The following EMC1 variants were observed in gnomAD, a reference collection of about 807,000 sequenced individuals.
The protein encoded by EMC1 is KIAA0090.
Under a neutral mutation model 128.8 loss-of-function variants are expected in EMC1, and 103 were observed. The ratio of observed to expected loss-of-function variants is 0.80; its 90% CI spans 0.68 to 0.94. The LOEUF (loss-of-function observed/expected upper bound fraction) is 0.94. EMC1 is among the 40% of genes least tolerant of loss of function. The pLI is 0.00. For missense variants in EMC1, 1,083 were observed against 1,250.6 expected (o/e 0.87, Z 2.02); for synonymous variants, 442 against 490.4 (o/e 0.90, Z 1.30).
At chr1:19,243,843 A>G in intron 3 of EMC1, 107 bp downstream of exon 3, 4 of 1,437,202 alleles carry the variant, frequency 2.8e-6, no homozygotes, top group South Asian at 1.2e-5. Flanking sequence ...CTTCACTGTC[A>G]GGAGTCCCCA....
chr1:19,251,079 C>T (rs2093656904), intron 1 of EMC1, among the ~76,000 whole-genome samples: 2 of 152,154 alleles, frequency 1.3e-5, no homozygotes, highest in African/African-American at 4.8e-5. Context: ...CCTCTGACAC[C>T]TGGTAGACCA....
chr1:19,235,063 T>C, intron 13 of EMC1, 67 bp downstream of exon 13: 15 of 1,568,382 alleles, frequency 9.6e-6, no homozygotes, highest in Non-Finnish European at 1.3e-5. Context: ...TGATACAGTG[T>C]CTCTTGTGGT....
chr1:19,245,632 T>TTTTTTTTC (rs2093628647), intron 1 of EMC1, among the ~76,000 whole-genome samples: 1 of 145,108 alleles, frequency 6.9e-6, no homozygotes, highest in East Asian at 2.1e-4. Context: ...CCTTTCTTTT[T>TTTTTTTTC]TTTTTTTTTG....
At chr1:19,240,105 C>T (rs2093595455) in intron 7 of EMC1, 120 bp from the exon 8 acceptor site, 2 of 1,222,902 alleles carry the variant, frequency 1.6e-6, no homozygotes, top group South Asian at 3.0e-5. Context: ...CAGGTGGCTC[C>T]AAATGCTCCA....
In EMC1 at chr1:19,218,436, G is replaced by C. The variant is rs780495908; in HGVS notation, c.*867C>G. 6.6e-6 allele frequency: 1 copy of C among 152,138 alleles called. No individual in the cohort carries two copies. The highest frequency in any genetic ancestry group is 1.5e-5 in the Non-Finnish European group (1 of 68,020). The allele number at this position is 152,138 out of a possible 1,614,324, so 9.4% of individuals were successfully genotyped here. A position where few individuals can be genotyped will look rare whatever the true frequency, so the allele number is the denominator to read the frequency against. ...TTAAAAACTAAAAATAAATAATGGG[G>C]TTCTTAAACAAGGACATCTTTAACT... On this transcript the variant is annotated 3_prime_UTR_variant, in exon 23 of 23. Transcript: ENST00000477853.
At position 19,230,880 on chromosome 1, in the gene EMC1, TG is replaced by T; in HGVS notation, c.2027del (p.Ala676GlufsTer19). 6.2e-7 allele frequency: 1 copy of T among 1,614,198 alleles called. No individual in the cohort carries two copies. The highest frequency in any genetic ancestry group is 8.5e-7 in the Non-Finnish European group (1 of 1,180,030). ...GATATCCACACAGCCGTCCCTGCTC[TG>T]CATCCACCAAATAGAAGAAGATGGA... ...APSIFFYLVD[A>X]EQGRLCGYRL... On this transcript the variant is annotated frameshift_variant, in exon 17 of 23. Coordinates refer to ENST00000477853, the MANE Select transcript of EMC1 (RefSeq NM_015047.3). LOFTEE classifies it high-confidence loss of function.
intron 10 of EMC1, among the ~76,000 whole-genome samples, chr1:19,238,358 G>A (rs1290525011): frequency 6.6e-6 from 1 of 152,220 alleles, no homozygotes; most frequent in African/African-American, 2.4e-5. Flanking sequence ...TACTTGTCTT[G>A]GAAGCCAGTA....
intron 1 of EMC1, among the ~76,000 whole-genome samples, chr1:19,245,627 C>CTTTTTTTTTTT (rs539316345): frequency 0.021 from 2,566 of 122,768 alleles, 239 homozygotes; most frequent in African/African-American, 0.065. Context: ...CCTTACCTTT[C>CTTTTTTTTTTT]TTTTTTTTTT....
rs1453332761 is a variant in EMC1 at position 19,216,501 on chromosome 1, C to T, written c.*2802G>A. On this transcript the variant is annotated 3_prime_UTR_variant, in exon 23 of 23. Coordinates refer to ENST00000477853, the MANE Select transcript of EMC1 (RefSeq NM_015047.3). ...AGCCTTTATAAAAACATCTCATGTACCCCATAAGTATATGTACCTAATATG... is the reference window on the plus strand; with the variant it reads ...AGCCTTTATAAAAACATCTCATGTATCCCATAAGTATATGTACCTAATATG... 6.6e-6 allele frequency: 1 copy of T among 152,022 alleles called. No individual in the cohort carries two copies. The highest frequency in any genetic ancestry group is 1.9e-4 in the East Asian group (1 of 5,190). 9.4% of individuals were successfully genotyped at this position (152,022 alleles called of 1,614,324 possible).
chr1:19,240,801 A>C, intron 6 of EMC1: 1 of 596,416 alleles, frequency 1.7e-6, no homozygotes, highest in Non-Finnish European at 3.0e-6. Flanking sequence ...GACTAGATCT[A>C]TGTAATTTTT....
intron 17 of EMC1, among the ~76,000 whole-genome samples, chr1:19,229,181 C>T (rs913875678): frequency 2.0e-5 from 3 of 152,212 alleles, no homozygotes; most frequent in African/African-American, 4.8e-5. Flanking sequence ...GGGAAGACCG[C>T]TGGGAATGGG....
intron 4 of EMC1, among the ~76,000 whole-genome samples, chr1:19,242,965 C>T (rs756972039): frequency 1.3e-5 from 2 of 152,132 alleles, no homozygotes; most frequent in South Asian, 2.1e-4. Context: ...GGGCCAGGCC[C>T]GGTGGCTCAT....
At position 19,247,028 on chromosome 1, in the gene EMC1, A is replaced by G. The variant is rs146263624; in HGVS notation, c.96-1998T>C. ...AAGGCCATGTAAGGATACAGCAAGA[A>G]GGCAGCCTTTTGCAAGCCAATGAGC... On this transcript the variant is annotated intron_variant, in intron 1 of 22. Coordinates refer to ENST00000477853, the MANE Select transcript of EMC1 (RefSeq NM_015047.3). Among the ~76,000 whole-genome samples the G allele has an allele frequency of 1.3e-3, 195 of 152,330 alleles. 1 individual carries two copies. Among genetic ancestry groups the G allele is most frequent in the African/African-American group, 4.6e-3 (193 of 41,570 alleles).
rs746307811 is a variant in EMC1, at chr1:19,238,007, TC to T, written c.1212+9del. 6.2e-7 allele frequency: 1 copy of T among 1,612,848 alleles called. No homozygotes were observed. Among genetic ancestry groups the T allele is most frequent in the Admixed American group, 1.7e-5 (1 of 59,836 alleles). Reference sequence around the variant, plus strand: ...CACAGGACAGTCTGCAAAGAAAGGCTCTGCCTTACCCGCTCAGGCCGAGTGC... The same window carrying T: ...CACAGGACAGTCTGCAAAGAAAGGCTTGCCTTACCCGCTCAGGCCGAGTGC... On this transcript the variant is annotated intron_variant, in intron 11 of 22. Transcript: ENST00000477853.
intron 6 of EMC1, 146 bp from the exon 7 acceptor site, chr1:19,240,592 T>G: frequency 1.2e-6 from 1 of 842,162 alleles, no homozygotes; most frequent in Non-Finnish European, 1.8e-6. Context: ...GTTCTTCCTG[T>G]CCCCTGAAAC....
In EMC1 at chr1:19,218,832, A is replaced by G. The variant is rs1040133731; in HGVS notation, c.*471T>C. Reference sequence around the variant, plus strand: ...CTTCCCAGTGCAAAACACCAAATGTACCTATAAGGTGGAGTCGGCAAGGAG... The same window carrying G: ...CTTCCCAGTGCAAAACACCAAATGTGCCTATAAGGTGGAGTCGGCAAGGAG... On this transcript the variant is annotated 3_prime_UTR_variant, in exon 23 of 23. Transcript: ENST00000477853. 1 of 164,670 alleles carries G rather than the reference A, an allele frequency of 6.1e-6. No individual in the cohort carries two copies. Among genetic ancestry groups the G allele is most frequent in the Non-Finnish European group, 1.3e-5 (1 of 74,978 alleles). The allele number at this position is 164,670 out of a possible 1,614,324, so 10.2% of individuals were successfully genotyped here.
chr1:19,241,147 G>A lies in EMC1; in HGVS notation c.510-5C>T, dbSNP rs770946521. 3 of 1,613,834 alleles carry A rather than the reference G, an allele frequency of 1.9e-6. No homozygotes were observed. On this transcript the variant is annotated splice_region_variant and splice_polypyrimidine_tract_variant and intron_variant, in intron 5 of 22. Transcript: ENST00000477853. ...ATCTGGTAGTGGATGCTGTCACTAA[G>A]AGAGGGAAGAAGAAACCGCAGCGTC...
chr1:19,235,706 A>G (rs2093558140), intron 12 of EMC1, among the ~76,000 whole-genome samples: 1 of 152,032 alleles, frequency 6.6e-6, no homozygotes, highest in South Asian at 2.1e-4. Flanking sequence ...GTCTTGAAAT[A>G]AAATAAAATA....
intron 19 of EMC1, 139 bp downstream of exon 19, chr1:19,223,257 C>A: frequency 1.3e-6 from 1 of 768,836 alleles, no homozygotes; most frequent in Non-Finnish European, 2.2e-6. Flanking sequence ...GAGCCCAGTG[C>A]CCTAACCGGC....
Sources: allele counts gnomAD v4.1 joint callset (sites outside exome capture counted in the v4.1 genomes callset), GRCh38; gene constraint gnomAD v4.1.1; transcripts MANE v1.5; gene names NCBI Gene and HGNC (gene_info 2026-07-23, HGNC 2026-07-21).